The following TRPC7 variants were observed in gnomAD, a reference collection of about 807,000 sequenced individuals.
TRPC7 encodes short transient receptor potential channel 7.
Under a neutral mutation model 90.1 loss-of-function variants are expected in TRPC7, and 42 were observed. The observed-to-expected ratio is 0.47, with a 90% CI of 0.36 to 0.60. TRPC7 has a LOEUF of 0.60. Among genes scored for constraint, TRPC7 ranks in the 20% least tolerant of loss-of-function variants. TRPC7 has a pLI of 0.00. For synonymous variants in TRPC7, 451 were observed against 436.3 expected (o/e 1.03, Z -0.42); for missense variants, 955 against 1,112.3 (o/e 0.86, Z 2.01).
At chr5:136,284,478 T>C (rs1044505871) in intron 3 of TRPC7, among the ~76,000 whole-genome samples, 1 of 152,230 alleles carries the variant, frequency 6.6e-6, no homozygotes, top group Non-Finnish European at 1.5e-5. Flanking sequence ...TTGTGATATA[T>C]TTAAAGCCAC....
chr5:136,272,985 T>C (rs1335026298), intron 4 of TRPC7, among the ~76,000 whole-genome samples: 1 of 152,210 alleles, frequency 6.6e-6, no homozygotes, highest in African/African-American at 2.4e-5. Context: ...AACTACTCTT[T>C]CTGAGTCTTT....
At chr5:136,335,564 A>T (rs894048189) in intron 2 of TRPC7, among the ~76,000 whole-genome samples, 48 of 152,030 alleles carry the variant, frequency 3.2e-4, no homozygotes, top group Admixed American at 6.6e-5. Flanking sequence ...TACTGGCAAC[A>T]GTCCCATCTT....
intron 2 of TRPC7, among the ~76,000 whole-genome samples, chr5:136,322,423 A>G (rs1197326515): frequency 2.0e-5 from 3 of 152,218 alleles, no homozygotes; most frequent in Non-Finnish European, 4.4e-5. Flanking sequence ...TAACCTTGTA[A>G]GAAGCTTCCA....
intron 7 of TRPC7, among the ~76,000 whole-genome samples, chr5:136,236,702 T>G (rs1024889446): frequency 1.3e-5 from 2 of 152,134 alleles, no homozygotes; most frequent in African/African-American, 4.8e-5. Context: ...AACAGGACTT[T>G]AATAACAGGT....
chr5:136,281,915 A>C (rs1757562992), intron 3 of TRPC7, among the ~76,000 whole-genome samples: 1 of 152,210 alleles, frequency 6.6e-6, no homozygotes, highest in Non-Finnish European at 1.5e-5. Flanking sequence ...TCAAATTTTT[A>C]ATCAACCAAA....
In TRPC7 at chr5:136,315,715, C is replaced by T. The variant is rs758403836; in HGVS notation, c.845G>A (p.Arg282Gln). The T allele has an allele frequency of 1.2e-6, 2 of 1,614,036 alleles. No homozygotes were observed. The highest frequency in any genetic ancestry group is 1.7e-6 in the Non-Finnish European group (2 of 1,179,952). The stretch of plus-strand genomic sequence containing the variant: ...AATTGCTTCCACCTCTTCTGTGTCT[C>T]GGCACAGGTCCAGCACGCCCACTAC... Reference protein sequence around the residue: ...DFVVGVLDLCRDTEEVEAILN... With the variant: ...DFVVGVLDLCQDTEEVEAILN... The change falls in exon 3 of 12, where the codon CGA (arginine) becomes CAA (glutamine). Residue 282 changes from arginine (R) to glutamine (Q), a missense_variant. By Grantham distance (43) the Arg-to-Gln change is conservative. This residue lies in a region of TRPC7 where 484 missense variants were observed against 509.6 expected (regional missense o/e 0.95). Transcript: ENST00000513104.
rs540761571 is a variant in TRPC7 at position 136,339,336 on chromosome 5, T to A, written c.780+17272A>T. 9.2e-5 allele frequency among the ~76,000 whole-genome samples: 14 copies of A among 152,300 alleles called. No individual in the cohort carries two copies. In the South Asian group the frequency reaches 2.9e-3, roughly 32 times the overall value. ...AACTGCCTTTGTAAACCTAATAAATTGGCCACAAGGTTAGAATTATGGTAG... is the reference window on the plus strand; with the variant it reads ...AACTGCCTTTGTAAACCTAATAAATAGGCCACAAGGTTAGAATTATGGTAG... On this transcript the variant is annotated intron_variant, in intron 2 of 11. Transcript: ENST00000513104.
In TRPC7 at chr5:136,247,701, G is replaced by A; in HGVS notation, c.1614C>T (p.Ile538=). ...RDKWWPSDPQ[I]ISEGLYAIAV... is the part of the protein sequence containing the mutation. Reference sequence around the variant, plus strand: ...CTATCGCGTAGAGCCCTTCCGATATGATCTGAGGGTCTGAAGGCCACCACT... The same window carrying A: ...CTATCGCGTAGAGCCCTTCCGATATAATCTGAGGGTCTGAAGGCCACCACT... Residue 538 remains isoleucine (I), a synonymous_variant, in exon 7 of 12, where the codon ATC becomes ATT. Coordinates refer to ENST00000513104, the MANE Select transcript of TRPC7 (RefSeq NM_020389.3). The surrounding 1 kb of genome is among the most constrained non-coding windows in gnomAD (Gnocchi z 4.2). The A allele has an allele frequency of 1.2e-6, 2 of 1,613,852 alleles. No individual in the cohort carries two copies. The highest frequency in any genetic ancestry group is 1.7e-6 in the Non-Finnish European group (2 of 1,179,780).
chr5:136,237,605 G>A (rs868631689), intron 7 of TRPC7, among the ~76,000 whole-genome samples: 1 of 152,106 alleles, frequency 6.6e-6, no homozygotes, highest in African/African-American at 2.4e-5. Flanking sequence ...TACGTTTTTG[G>A]CCAAATAGCC....
intron 3 of TRPC7, among the ~76,000 whole-genome samples, chr5:136,307,078 A>G (rs950965136): frequency 2.6e-5 from 4 of 152,246 alleles, no homozygotes; most frequent in African/African-American, 7.2e-5. Flanking sequence ...TGTATACAAT[A>G]TGTTATGATT....
intron 3 of TRPC7, among the ~76,000 whole-genome samples, chr5:136,287,318 C>T (rs1757753260): frequency 6.6e-6 from 1 of 151,952 alleles, no homozygotes; most frequent in African/African-American, 2.4e-5. Flanking sequence ...CTGAATATCA[C>T]ATGCAGGCTT....
intron 5 of TRPC7, among the ~76,000 whole-genome samples, chr5:136,252,763 A>C (rs1360584522): frequency 1.3e-5 from 2 of 152,208 alleles, no homozygotes; most frequent in East Asian, 3.9e-4. Context: ...ATGAGAATCT[A>C]ATGCCGCTGC....
At chr5:136,323,736 A>C (rs1468185088) in intron 2 of TRPC7, among the ~76,000 whole-genome samples, 2 of 152,044 alleles carry the variant, frequency 1.3e-5, no homozygotes, top group Non-Finnish European at 2.9e-5. Context: ...CTGTAGCTTT[A>C]TGTTATCTTA....
Position 136,277,649 on chromosome 5 carries a change from G to A in TRPC7, c.964-2812C>T, listed in dbSNP as rs576253282. 1.1e-4 allele frequency among the ~76,000 whole-genome samples: 17 copies of A among 152,282 alleles called. No homozygotes were observed. The South Asian group carries it at 2.1e-3, about 19-fold the overall frequency. ...TAAGGAACAAAGGCAGGAAGAACTC[G>A]GGGTGTGACCAGGATTTTCAAAAGC... On this transcript the variant is annotated intron_variant, in intron 3 of 11. Transcript: ENST00000513104.
At chr5:136,306,800 A>G (rs902354235) in intron 3 of TRPC7, among the ~76,000 whole-genome samples, 1 of 152,062 alleles carries the variant, frequency 6.6e-6, no homozygotes, top group African/African-American at 2.4e-5. Flanking sequence ...TTTCTTTGTA[A>G]TTCTCCCCAC....
chr5:136,325,118 A>G (rs1028725715), intron 2 of TRPC7, among the ~76,000 whole-genome samples: 1 of 152,230 alleles, frequency 6.6e-6, no homozygotes, highest in Non-Finnish European at 1.5e-5. Flanking sequence ...TGTTTAAAAC[A>G]TTTTAATTGT....
At chr5:136,301,271 C>T (rs13189678) in intron 3 of TRPC7, among the ~76,000 whole-genome samples, 12,995 of 151,574 alleles carry the variant, frequency 0.086, 718 homozygotes, top group Non-Finnish European at 0.13. Context: ...AGATGATCCA[C>T]CTGCCTTGGC....
chr5:136,292,357 T>A (rs1757987721), intron 3 of TRPC7, among the ~76,000 whole-genome samples: 1 of 152,118 alleles, frequency 6.6e-6, no homozygotes, highest in African/African-American at 2.4e-5. Context: ...ATCCAGGAGC[T>A]GGTTTTTTGA....
intron 7 of TRPC7, among the ~76,000 whole-genome samples, chr5:136,233,044 C>T (rs543228406): frequency 1.3e-5 from 2 of 152,244 alleles, no homozygotes; most frequent in East Asian, 3.9e-4. Context: ...CATGAATTTA[C>T]AGCTCTCCCG....
Sources: gnomAD v4.1 joint callset for allele counts (sites outside exome capture counted in the v4.1 genomes callset) on GRCh38, gnomAD v4.1.1 for gene constraint, gnomAD v4.1.1 regional missense constraint, Gnocchi (gnomAD v3.1) non-coding constraint, MANE v1.5 for transcripts, NCBI Gene and HGNC (gene_info 2026-07-23, HGNC 2026-07-21) for gene names.